AGBL1: variants seen among roughly 807,000 people sequenced by gnomAD.
AGBL1 encodes the protein cytosolic carboxypeptidase 4.
In AGBL1, 130 loss-of-function variants were observed where a neutral mutation model predicts 118.9. The observed-to-expected ratio is 1.09, with a 90% CI of 0.95 to 1.26. The LOEUF (loss-of-function observed/expected upper bound fraction) is 1.26, where lower values mean the gene tolerates loss of function less well. Among genes scored for constraint, AGBL1 ranks in the 50% most tolerant of loss-of-function variants. The pLI is 0.00. For synonymous variants in AGBL1, 555 were observed against 478.9 expected (o/e 1.16, Z -2.08); for missense variants, 1,584 against 1,298.1 (o/e 1.22, Z -3.38).
At chr15:86,263,414 A>G (rs2079024514) in intron 10 of AGBL1, among the ~76,000 whole-genome samples, 1 of 152,252 alleles carries the variant, frequency 6.6e-6, no homozygotes, top group East Asian at 1.9e-4. Context: ...CAACAATGAA[A>G]TCACCTGATG....
intron 22 of AGBL1, among the ~76,000 whole-genome samples, chr15:86,676,227 G>A (rs1337271516): frequency 6.6e-6 from 1 of 152,094 alleles, no homozygotes; most frequent in Non-Finnish European, 1.5e-5. Flanking sequence ...TGGCAGGCAT[G>A]GAGTTTGGTG....
chr15:86,590,698 C>T (rs1038836840), intron 21 of AGBL1, among the ~76,000 whole-genome samples: 2 of 152,130 alleles, frequency 1.3e-5, no homozygotes, highest in African/African-American at 4.8e-5. Context: ...GTGTCAGACT[C>T]TCAGTTAGTC....
intron 23 of AGBL1, among the ~76,000 whole-genome samples, chr15:86,973,471 T>A (rs2081132076): frequency 6.6e-6 from 1 of 151,300 alleles, no homozygotes; most frequent in African/African-American, 2.4e-5. Flanking sequence ...CAGCCTACAT[T>A]CCTCTTCAGG....
intron 18 of AGBL1, among the ~76,000 whole-genome samples, chr15:86,446,852 T>C (rs2142063089): frequency 6.6e-6 from 1 of 152,308 alleles, no homozygotes; most frequent in African/African-American, 2.4e-5. Context: ...GTTTCCTTGG[T>C]ACTCATATTT....
At chr15:86,741,344 A>G (rs2141235767) in intron 22 of AGBL1, among the ~76,000 whole-genome samples, 1 of 138,224 alleles carries the variant, frequency 7.2e-6, no homozygotes, top group South Asian at 2.5e-4. Flanking sequence ...TGTAAAGAGA[A>G]TTTCCTAGCC....
intron 1 of AGBL1, among the ~76,000 whole-genome samples, chr15:86,083,194 G>GA (rs200931663): frequency 3.0e-4 from 44 of 147,574 alleles, no homozygotes; most frequent in Non-Finnish European, 3.9e-4. Context: ...AATATACTTG[G>GA]AAAAAAAAAA....
At chr15:86,889,613 T>C (rs190025460) in intron 22 of AGBL1, among the ~76,000 whole-genome samples, 227 of 152,340 alleles carry the variant, frequency 1.5e-3, no homozygotes, top group Admixed American at 4.0e-3. Flanking sequence ...GTTCTCATTG[T>C]TCAGCTCCCA....
At chr15:86,335,180 C>G (rs2080344619) in intron 17 of AGBL1, among the ~76,000 whole-genome samples, 1 of 151,968 alleles carries the variant, frequency 6.6e-6, no homozygotes, top group South Asian at 2.1e-4. Flanking sequence ...CTCTTGTTGC[C>G]CAGGCTGGAG....
chr15:86,773,682 C>T (rs905426104), intron 22 of AGBL1, among the ~76,000 whole-genome samples: 3 of 151,916 alleles, frequency 2.0e-5, no homozygotes, highest in African/African-American at 4.8e-5. Flanking sequence ...TACAATTAGC[C>T]TTCATGCACT....
intron 21 of AGBL1, among the ~76,000 whole-genome samples, chr15:86,562,596 A>G (rs146045531): frequency 2.6e-5 from 4 of 152,314 alleles, no homozygotes; most frequent in African/African-American, 7.2e-5. Context: ...ATATTGGTCT[A>G]AAATTCTCTT....
At chr15:86,746,053 A>G (rs768087532) in intron 22 of AGBL1, among the ~76,000 whole-genome samples, 1 of 152,010 alleles carries the variant, frequency 6.6e-6, no homozygotes, top group Non-Finnish European at 1.5e-5. Flanking sequence ...TCTTGTGGTT[A>G]TGCCTCTCAC....
At chr15:86,302,155 T>A (rs1015147759) in intron 17 of AGBL1, among the ~76,000 whole-genome samples, 15 of 152,036 alleles carry the variant, frequency 9.9e-5, no homozygotes, top group Admixed American at 6.6e-4. Flanking sequence ...CAGGAATCCT[T>A]CCTCCTTCTA....
At chr15:86,960,560 T>C (rs571243050) in intron 23 of AGBL1, among the ~76,000 whole-genome samples, 1 of 151,744 alleles carries the variant, frequency 6.6e-6, no homozygotes, top group Non-Finnish European at 1.5e-5. Context: ...AGTATAGAGA[T>C]TCAACAAAAA....
chr15:86,859,633 G>A (rs1034449068), intron 22 of AGBL1, among the ~76,000 whole-genome samples: 1 of 152,156 alleles, frequency 6.6e-6, no homozygotes. Flanking sequence ...AGGGTGCCGA[G>A]AACACACGGC....
At chr15:86,584,996 G>A (rs2084225171) in intron 21 of AGBL1, among the ~76,000 whole-genome samples, 2 of 152,104 alleles carry the variant, frequency 1.3e-5, no homozygotes, top group African/African-American at 4.8e-5. Flanking sequence ...GAATGTTACT[G>A]TTGTATAGAA....
intron 22 of AGBL1, among the ~76,000 whole-genome samples, chr15:86,814,946 A>G (rs771176835): frequency 6.6e-6 from 1 of 152,172 alleles, no homozygotes; most frequent in Non-Finnish European, 1.5e-5. Context: ...AAATGTACGA[A>G]TAAATGTTGG....
intron 22 of AGBL1, among the ~76,000 whole-genome samples, chr15:86,701,775 C>G (rs1179972082): frequency 1.4e-5 from 2 of 147,914 alleles, no homozygotes; most frequent in South Asian, 4.4e-4. Context: ...CCTTTCACTC[C>G]TCTCCCCTCC....
chr15:86,901,653 T>G (rs886507162), intron 22 of AGBL1, among the ~76,000 whole-genome samples: 2 of 152,138 alleles, frequency 1.3e-5, no homozygotes, highest in African/African-American at 4.8e-5. Flanking sequence ...TTGTTGGTGA[T>G]TTGGTCTTCT....
chr15:87,018,276 A>G (rs1046232039), intron 24 of AGBL1, among the ~76,000 whole-genome samples: 8 of 152,144 alleles, frequency 5.3e-5, no homozygotes, highest in African/African-American at 1.9e-4. Context: ...TCCCATTAAG[A>G]TGCTCCCCCA....
Sources: allele counts gnomAD v4.1 joint callset (sites outside exome capture counted in the v4.1 genomes callset), GRCh38; gene constraint gnomAD v4.1.1; transcripts MANE v1.5; gene names NCBI Gene and HGNC (gene_info 2026-07-23, HGNC 2026-07-21).